Variants in SMOC1 observed in about 807,000 individuals in gnomAD.
SMOC1 encodes the protein SPARC related modular calcium binding 1.
A neutral mutation model predicts 56.3 loss-of-function variants in SMOC1; 22 were observed. The observed-to-expected ratio is 0.39, with a 90% CI of 0.28 to 0.56. SMOC1 has a LOEUF of 0.56. Among genes scored for constraint, SMOC1 ranks in the 20% least tolerant of loss-of-function variants. The probability of loss-of-function intolerance (pLI) is 0.61; values close to 1 mark genes in which losing one functional copy is unlikely to be tolerated. For synonymous variants in SMOC1, 193 were observed against 215.0 expected, an observed-to-expected ratio of 0.90 and a Z score of 0.89; for missense variants, 509 against 565.4, an observed-to-expected ratio of 0.90 and a Z score of 1.01.
intron 1 of SMOC1, among the ~76,000 whole-genome samples, chr14:69,942,472 C>T (rs978233001): frequency 6.6e-6 from 1 of 152,242 alleles, no homozygotes; most frequent in Non-Finnish European, 1.5e-5. Flanking sequence ...TAGGTGTACA[C>T]TTTTATGAAT....
chr14:69,992,066 T>C (rs569020221), intron 5 of SMOC1, among the ~76,000 whole-genome samples: 1 of 152,236 alleles, frequency 6.6e-6, no homozygotes, highest in South Asian at 2.1e-4. Context: ...AACTCAGGGC[T>C]GAGGGGGAGA....
At chr14:69,894,149 G>A (rs1353509346) in intron 1 of SMOC1, among the ~76,000 whole-genome samples, 3 of 152,206 alleles carry the variant, frequency 2.0e-5, no homozygotes, top group East Asian at 3.9e-4. Context: ...TTTAGAGGTG[G>A]TTTGATTCAG....
intron 3 of SMOC1, among the ~76,000 whole-genome samples, chr14:69,971,795 A>G (rs1024094471): frequency 6.6e-6 from 1 of 152,218 alleles, no homozygotes; most frequent in Admixed American, 6.5e-5. Context: ...TCTGCTGGCA[A>G]TAGAACTATT....
intron 7 of SMOC1, among the ~76,000 whole-genome samples, chr14:70,004,769 C>T (rs1389765729): frequency 6.6e-6 from 1 of 152,120 alleles, no homozygotes; most frequent in Non-Finnish European, 1.5e-5. Flanking sequence ...CTAGCCCTTC[C>T]AAAACAAATA....
At chr14:69,897,527 A>C (rs960798979) in intron 1 of SMOC1, among the ~76,000 whole-genome samples, 1 of 151,746 alleles carries the variant, frequency 6.6e-6, no homozygotes, top group Non-Finnish European at 1.5e-5. Context: ...GAGCATTTTT[A>C]ATGATTTCAT....
At chr14:70,026,235 T>C (rs1885919276) in intron 11 of SMOC1, among the ~76,000 whole-genome samples, 1 of 152,152 alleles carries the variant, frequency 6.6e-6, no homozygotes, top group African/African-American at 2.4e-5. Context: ...CCATCCAGTG[T>C]CAATGTAGAC....
At chr14:69,907,064 A>G (rs2139337700) in intron 1 of SMOC1, among the ~76,000 whole-genome samples, 1 of 152,272 alleles carries the variant, frequency 6.6e-6, no homozygotes, top group South Asian at 2.1e-4. Context: ...TATTTCTGAG[A>G]AAATGTTCTT....
At chr14:69,905,217 C>G (rs1483148109) in intron 1 of SMOC1, among the ~76,000 whole-genome samples, 1 of 152,104 alleles carries the variant, frequency 6.6e-6, no homozygotes, top group African/African-American at 2.4e-5. Flanking sequence ...AGAGTCAAAG[C>G]AGTCCCGCCT....
At chr14:69,882,736 T>G (rs149722780) in intron 1 of SMOC1, among the ~76,000 whole-genome samples, 30 of 152,316 alleles carry the variant, frequency 2.0e-4, no homozygotes, top group African/African-American at 6.5e-4. Flanking sequence ...AAATTCTGTG[T>G]CTCCCTTGAA....
intron 1 of SMOC1, 57 bp downstream of exon 1, chr14:69,879,834 C>A (rs913051842): frequency 1.4e-6 from 2 of 1,431,626 alleles, no homozygotes; most frequent in East Asian, 2.7e-5. Flanking sequence ...TTGCTTCCCC[C>A]CTCATCCCTG....
chr14:69,999,794 A>C (rs541530197), intron 7 of SMOC1, among the ~76,000 whole-genome samples: 1 of 152,162 alleles, frequency 6.6e-6, no homozygotes. Context: ...CGCACAGTCC[A>C]TTTTTACCTT....
intron 3 of SMOC1, among the ~76,000 whole-genome samples, chr14:69,954,604 T>C (rs1367898150): frequency 3.9e-5 from 6 of 152,038 alleles, no homozygotes; most frequent in Admixed American, 3.9e-4. Flanking sequence ...GCAGCTTCTG[T>C]GAGAGTCAGA....
intron 1 of SMOC1, among the ~76,000 whole-genome samples, chr14:69,943,724 A>G (rs1411843548): frequency 1.3e-5 from 2 of 152,112 alleles, no homozygotes; most frequent in Non-Finnish European, 2.9e-5. Context: ...GCTTTTTAGT[A>G]CTTGAGTTCT....
chr14:69,953,563 T>C, intron 3 of SMOC1, 31 bp downstream of exon 3: 2 of 1,587,676 alleles, frequency 1.3e-6, no homozygotes, highest in South Asian at 2.2e-5. Context: ...CTTGGGCTCT[T>C]TCCTGGACCG....
intron 1 of SMOC1, among the ~76,000 whole-genome samples, chr14:69,938,212 C>T (rs1453391559): frequency 5.9e-5 from 9 of 152,154 alleles, no homozygotes; most frequent in African/African-American, 2.2e-4. Context: ...TTTGTTATTA[C>T]AGAGCCATGA....
intron 11 of SMOC1, among the ~76,000 whole-genome samples, 157 bp downstream of exon 11, chr14:70,023,604 G>A (rs182097497): frequency 6.6e-6 from 1 of 152,290 alleles, no homozygotes; most frequent in Non-Finnish European, 1.5e-5. Context: ...TTGAGACAGT[G>A]GTGGAATTGA....
At chr14:69,908,495 GC>G (rs760300653) in intron 1 of SMOC1, among the ~76,000 whole-genome samples, 2 of 152,146 alleles carry the variant, frequency 1.3e-5, no homozygotes, top group Non-Finnish European at 2.9e-5. Flanking sequence ...TGGCTGCTGT[GC>G]TGGAGGGTAG....
intron 1 of SMOC1, among the ~76,000 whole-genome samples, chr14:69,941,597 C>T (rs921545912): frequency 1.9e-4 from 29 of 152,130 alleles, no homozygotes; most frequent in African/African-American, 6.5e-4. Context: ...TTCCAAAGCT[C>T]GGATCTGAGT....
chr14:69,909,755 C>T (rs907706609), intron 1 of SMOC1, among the ~76,000 whole-genome samples: 3 of 152,166 alleles, frequency 2.0e-5, no homozygotes, highest in African/African-American at 7.2e-5. Flanking sequence ...AATGAAAACA[C>T]TTAAAAAATC....
Sources: allele counts gnomAD v4.1 joint callset (sites outside exome capture counted in the v4.1 genomes callset), GRCh38; gene constraint gnomAD v4.1.1; transcripts MANE v1.5; gene names NCBI Gene and HGNC (gene_info 2026-07-23, HGNC 2026-07-21).